Variants in CHRM3 observed in about 807,000 individuals in gnomAD.
The protein encoded by CHRM3 is cholinergic receptor muscarinic 3.
Under a neutral mutation model 41.8 loss-of-function variants are expected in CHRM3, and 11 were observed. The observed-to-expected ratio is 0.26, with a 90% confidence interval of 0.17 to 0.44. CHRM3 has a LOEUF of 0.44. Ranked by LOEUF, CHRM3 falls within the 20% of genes least tolerant of loss-of-function variation. The probability of loss-of-function intolerance (pLI) is 1.00; values close to 1 mark genes in which losing one functional copy is unlikely to be tolerated. For missense variants in CHRM3, 571 were observed against 745.4 expected (o/e 0.77, Z 2.72); for synonymous variants, 297 against 301.4 (o/e 0.99, Z 0.15).
intron 5 of CHRM3, among the ~76,000 whole-genome samples, chr1:239,826,068 T>C (rs914275929): frequency 6.6e-6 from 1 of 152,176 alleles, no homozygotes; most frequent in African/African-American, 2.4e-5. Flanking sequence ...TGCAGAGTTA[T>C]TGTTTAGTGG....
At chr1:239,824,126 C>A (rs1434974612) in intron 5 of CHRM3, among the ~76,000 whole-genome samples, 1 of 152,116 alleles carries the variant, frequency 6.6e-6, no homozygotes, top group Non-Finnish European at 1.5e-5. Flanking sequence ...TTCACTCCAG[C>A]TCCTTGTGCC....
chr1:239,852,291 G>A (rs140256652), intron 6 of CHRM3, among the ~76,000 whole-genome samples: 90 of 152,264 alleles, frequency 5.9e-4, no homozygotes, highest in African/African-American at 2.1e-3. Context: ...AAAAAGCAGT[G>A]TATTAGGCAC....
chr1:239,484,262 A>G (rs1168327786), intron 1 of CHRM3, among the ~76,000 whole-genome samples: 1 of 152,182 alleles, frequency 6.6e-6, no homozygotes, highest in African/African-American at 2.4e-5. Context: ...AAGCGAGAGC[A>G]GGCATACCAC....
intron 6 of CHRM3, among the ~76,000 whole-genome samples, chr1:239,895,447 C>G (rs987519945): frequency 7.2e-5 from 11 of 152,202 alleles, no homozygotes; most frequent in South Asian, 2.1e-4. Context: ...TCGAGCCCTT[C>G]TGTTACTGGT....
At chr1:239,548,533 T>C (rs1052897566) in intron 3 of CHRM3, among the ~76,000 whole-genome samples, 1 of 152,224 alleles carries the variant, frequency 6.6e-6, no homozygotes, top group African/African-American at 2.4e-5. Flanking sequence ...CTTCTTCTTG[T>C]TTATTTTTGC....
chr1:239,422,514 G>A (rs1237919063), intron 1 of CHRM3, among the ~76,000 whole-genome samples: 1 of 152,178 alleles, frequency 6.6e-6, no homozygotes, highest in African/African-American at 2.4e-5. Context: ...AGACAAAGTT[G>A]TCCAAGCGCG....
chr1:239,629,734 C>T (rs921661679), intron 3 of CHRM3, among the ~76,000 whole-genome samples: 13 of 152,146 alleles, frequency 8.5e-5, no homozygotes, highest in Admixed American at 7.2e-4. Flanking sequence ...AAATATCCTA[C>T]CTTTTTTTAT....
At chr1:239,861,299 TG>T (rs766682798) in intron 6 of CHRM3, among the ~76,000 whole-genome samples, 63 of 152,270 alleles carry the variant, frequency 4.1e-4, no homozygotes, top group Non-Finnish European at 7.4e-4. Flanking sequence ...GAGCTTATAA[TG>T]GGACATTGAC....
chr1:239,464,279 CAAA>C (rs748118542), intron 1 of CHRM3, among the ~76,000 whole-genome samples: 21 of 72,798 alleles, frequency 2.9e-4, no homozygotes, highest in Non-Finnish European at 3.3e-4. Context: ...GACCCTGTCT[CAAA>C]AAAAAAAAAA....
At chr1:239,636,936 G>A (rs1019833492) in intron 4 of CHRM3, among the ~76,000 whole-genome samples, 13 of 152,232 alleles carry the variant, frequency 8.5e-5, no homozygotes, top group African/African-American at 2.6e-4. Flanking sequence ...ACATAAAATG[G>A]CAATATTTGG....
At chr1:239,481,498 A>G (rs1179711905) in intron 1 of CHRM3, among the ~76,000 whole-genome samples, 2 of 152,234 alleles carry the variant, frequency 1.3e-5, no homozygotes, top group Non-Finnish European at 1.5e-5. Flanking sequence ...AGGATTTACA[A>G]TATGAACTTA....
At chr1:239,493,362 G>A (rs1416591048) in intron 2 of CHRM3, among the ~76,000 whole-genome samples, 1 of 152,158 alleles carries the variant, frequency 6.6e-6, no homozygotes, top group African/African-American at 2.4e-5. Context: ...AGACACAATA[G>A]ACCAGGCTTC....
At chr1:239,711,318 C>A (rs1461531450) in intron 5 of CHRM3, among the ~76,000 whole-genome samples, 1 of 151,968 alleles carries the variant, frequency 6.6e-6, no homozygotes, top group African/African-American at 2.4e-5. Context: ...GTCCCGGGTG[C>A]TCCCCAAAAG....
At chr1:239,523,819 A>G (rs552819147) in intron 2 of CHRM3, among the ~76,000 whole-genome samples, 1 of 152,338 alleles carries the variant, frequency 6.6e-6, no homozygotes, top group African/African-American at 2.4e-5. Flanking sequence ...GGCATCAAGT[A>G]AAACGTTTTT....
chr1:239,807,887 T>C (rs753934186), intron 5 of CHRM3, among the ~76,000 whole-genome samples: 7 of 152,124 alleles, frequency 4.6e-5, no homozygotes, highest in Non-Finnish European at 8.8e-5. Flanking sequence ...TGCTGGGATA[T>C]TCCAGAGTGA....
At chr1:239,642,402 C>A (rs946450109) in intron 4 of CHRM3, among the ~76,000 whole-genome samples, 3 of 152,090 alleles carry the variant, frequency 2.0e-5, no homozygotes, top group African/African-American at 7.2e-5. Context: ...TTCAGGTACA[C>A]CAATCAGATG....
chr1:239,667,502 C>T (rs1237598160), intron 4 of CHRM3, among the ~76,000 whole-genome samples: 1 of 152,160 alleles, frequency 6.6e-6, no homozygotes, highest in Non-Finnish European at 1.5e-5. Flanking sequence ...CACCCTGCCT[C>T]AACACTCTCA....
intron 5 of CHRM3, among the ~76,000 whole-genome samples, chr1:239,801,075 C>A (rs1260597994): frequency 6.6e-6 from 1 of 152,114 alleles, no homozygotes; most frequent in African/African-American, 2.4e-5. Context: ...AGGTAGTTAG[C>A]CTGATTGTAG....
rs1285205863 is a variant in CHRM3 at position 239,529,908 on chromosome 1, T to TA, written c.-421-15733_-421-15732insA. Among the ~76,000 whole-genome samples, 8 of 151,794 alleles carry TA rather than the reference T, an allele frequency of 5.3e-5. No homozygotes were observed. In the East Asian group the frequency reaches 9.8e-4, roughly 19 times the overall value. ...CACAATTTATTATTATTATTATTAT[T>TA]TTTTTTTGAGACAGAGTCTCGCTCT... On this transcript the variant is annotated intron_variant, in intron 2 of 6. Coordinates refer to ENST00000676153, the MANE Select transcript of CHRM3 (RefSeq NM_001375978.1).
Sources: gnomAD v4.1 joint callset for allele counts (sites outside exome capture counted in the v4.1 genomes callset) on GRCh38, gnomAD v4.1.1 for gene constraint, MANE v1.5 for transcripts, NCBI Gene and HGNC (gene_info 2026-07-23, HGNC 2026-07-21) for gene names.